The following ZBTB7C variants were observed in gnomAD, a reference collection of about 807,000 sequenced individuals.
ZBTB7C encodes the protein zinc finger and BTB domain-containing protein 7C.
A neutral mutation model predicts 25.7 loss-of-function variants in ZBTB7C; 8 were observed. The observed-to-expected ratio is 0.31, with a 90% CI of 0.18 to 0.56. The LOEUF is 0.56. Ranked by LOEUF, ZBTB7C falls within the 20% of genes least tolerant of loss-of-function variation. The probability of loss-of-function intolerance (pLI) is 0.91; values close to 1 mark genes in which losing one functional copy is unlikely to be tolerated. For synonymous variants in ZBTB7C, 394 were observed against 369.0 expected (o/e 1.07, Z -0.78); for missense variants, 824 against 855.2 (o/e 0.96, Z 0.46).
intron 2 of ZBTB7C, among the ~76,000 whole-genome samples, chr18:48,249,576 T>C (rs954823673): frequency 3.3e-5 from 5 of 152,172 alleles, no homozygotes; most frequent in African/African-American, 9.7e-5. Context: ...AAAAATAATA[T>C]AATAGTTGGT....
chr18:48,055,134 G>A (rs1293863727), intron 3 of ZBTB7C, among the ~76,000 whole-genome samples: 1 of 152,026 alleles, frequency 6.6e-6, no homozygotes, highest in East Asian at 1.9e-4. Context: ...GGCTGGGCAT[G>A]GTGGCTCACC....
chr18:48,277,234 C>G (rs926444724), intron 2 of ZBTB7C, among the ~76,000 whole-genome samples: 1 of 145,624 alleles, frequency 6.9e-6, no homozygotes, highest in African/African-American at 2.6e-5. Flanking sequence ...AGAAAATTTT[C>G]GCAACCTACT....
intron 2 of ZBTB7C, among the ~76,000 whole-genome samples, chr18:48,250,531 G>A (rs567425220): frequency 6.6e-6 from 1 of 152,086 alleles, no homozygotes; most frequent in Non-Finnish European, 1.5e-5. Context: ...GAATTGACCT[G>A]ATCTCTCTTT....
chr18:48,328,060 T>C (rs1310710518), intron 2 of ZBTB7C, among the ~76,000 whole-genome samples: 2 of 151,296 alleles, frequency 1.3e-5, no homozygotes, highest in Admixed American at 1.3e-4. Context: ...CGGGTGCCTG[T>C]AGTCCCAGCT....
At chr18:48,393,355 C>G (rs991202487) in intron 1 of ZBTB7C, among the ~76,000 whole-genome samples, 2 of 151,250 alleles carry the variant, frequency 1.3e-5, no homozygotes, top group Non-Finnish European at 2.9e-5. Flanking sequence ...CGCACTTGCC[C>G]GGGCATGAAA....
intron 3 of ZBTB7C, among the ~76,000 whole-genome samples, chr18:48,140,151 C>T (rs771374322): frequency 6.6e-6 from 1 of 152,232 alleles, no homozygotes; most frequent in African/African-American, 2.4e-5. Flanking sequence ...AGCAAACATG[C>T]TACTGTCTTA....
intron 2 of ZBTB7C, among the ~76,000 whole-genome samples, chr18:48,214,573 C>T (rs2042779871): frequency 6.6e-6 from 1 of 152,334 alleles, no homozygotes; most frequent in Admixed American, 6.5e-5. Flanking sequence ...TCATTATATG[C>T]TAATTATAAT....
chr18:48,380,295 A>G (rs2047606235), intron 1 of ZBTB7C, among the ~76,000 whole-genome samples: 1 of 152,206 alleles, frequency 6.6e-6, no homozygotes, highest in Non-Finnish European at 1.5e-5. Flanking sequence ...TAGGTTAACA[A>G]TTCTGAAACG....
chr18:48,143,919 T>C (rs2144848579), intron 3 of ZBTB7C, among the ~76,000 whole-genome samples: 1 of 152,306 alleles, frequency 6.6e-6, no homozygotes, highest in Non-Finnish European at 1.5e-5. Flanking sequence ...CTCTCCCCTA[T>C]TGCAGTCCGG....
intron 3 of ZBTB7C, among the ~76,000 whole-genome samples, chr18:48,182,730 A>G (rs926286498): frequency 6.6e-5 from 10 of 152,338 alleles, no homozygotes; most frequent in Admixed American, 6.5e-4. Flanking sequence ...AAAGGAAACC[A>G]CAGTGAAAAC....
intron 2 of ZBTB7C, among the ~76,000 whole-genome samples, chr18:48,222,270 G>A (rs1020968836): frequency 2.6e-5 from 4 of 152,134 alleles, no homozygotes; most frequent in Non-Finnish European, 4.4e-5. Flanking sequence ...CGGATACTGC[G>A]AAAGCTGCCT....
chr18:48,319,242 G>A (rs1598861195), intron 2 of ZBTB7C, among the ~76,000 whole-genome samples: 1 of 151,968 alleles, frequency 6.6e-6, no homozygotes, highest in Non-Finnish European at 1.5e-5. Flanking sequence ...GAGAGACAGT[G>A]TAGTACAAGG....
At chr18:48,166,962 C>T (rs998172355) in intron 3 of ZBTB7C, among the ~76,000 whole-genome samples, 1 of 152,164 alleles carries the variant, frequency 6.6e-6, no homozygotes, top group Admixed American at 6.5e-5. Context: ...AGGCCTCTTC[C>T]TCTGACCTCA....
chr18:48,321,786 A>G (rs1460003765), intron 2 of ZBTB7C, among the ~76,000 whole-genome samples: 1 of 152,190 alleles, frequency 6.6e-6, no homozygotes, highest in Non-Finnish European at 1.5e-5. Flanking sequence ...TGCACGGTGC[A>G]GGCTGCGTGC....
At chr18:48,214,806 T>G (rs1201307647) in intron 2 of ZBTB7C, among the ~76,000 whole-genome samples, 2 of 152,262 alleles carry the variant, frequency 1.3e-5, no homozygotes, top group African/African-American at 2.4e-5. Flanking sequence ...TTCTATTTTA[T>G]GTATATATCA....
In ZBTB7C at chr18:48,397,212, T is replaced by C. The variant is rs1408970179; in HGVS notation, c.-304+12014A>G. 4.6e-5 allele frequency among the ~76,000 whole-genome samples: 7 copies of C among 152,250 alleles called. No individual in the cohort carries two copies. In the East Asian group the frequency reaches 1.3e-3, roughly 29 times the overall value. ...ACTAGGCAGAAAGCCAGATGTGAAC[T>C]GCACAGGGCGGGAACCAGCCTGGGA... On this transcript the variant is annotated intron_variant, in intron 1 of 4. Transcript: ENST00000590800.
In ZBTB7C at chr18:48,121,413, TA is replaced by T. The variant is rs567847083; in HGVS notation, c.-17+64520del. ...GGCTTAATACTCTTTTTTTTTTTTT[TA>T]AAAAAATGCACTTACTGTACCAAAA... On this transcript the variant is annotated intron_variant, in intron 3 of 4. Transcript: ENST00000590800. Among the ~76,000 whole-genome samples, 217 of 127,694 alleles carry T rather than the reference TA, an allele frequency of 1.7e-3. 3 individuals carry two copies. The highest frequency in any genetic ancestry group is 6.6e-3 in the South Asian group (25 of 3,770). The allele number at this position is 127,694 out of a possible 152,430, so 83.8% of individuals were successfully genotyped here.
intron 4 of ZBTB7C, among the ~76,000 whole-genome samples, chr18:48,035,419 G>A (rs2035929999): frequency 6.6e-6 from 1 of 152,242 alleles, no homozygotes; most frequent in Non-Finnish European, 1.5e-5. Flanking sequence ...AGGATGCAGG[G>A]GCTCCAGGAG....
At chr18:48,259,069 C>T (rs1445853997) in intron 2 of ZBTB7C, among the ~76,000 whole-genome samples, 1 of 152,160 alleles carries the variant, frequency 6.6e-6, no homozygotes, top group African/African-American at 2.4e-5. Flanking sequence ...CAGACCTCAG[C>T]CTCCCAAGTA....
Sources: allele counts gnomAD v4.1 joint callset (sites outside exome capture counted in the v4.1 genomes callset), GRCh38; gene constraint gnomAD v4.1.1; transcripts MANE v1.5; gene names NCBI Gene and HGNC (gene_info 2026-07-23, HGNC 2026-07-21).